GRIP1: variants seen among roughly 807,000 people sequenced by gnomAD.
GRIP1 encodes glutamate receptor-interacting protein 1.
In GRIP1, 45 loss-of-function variants were observed where a neutral mutation model predicts 129.9. That is an observed-to-expected ratio of 0.35 (90% CI 0.27 to 0.44). The LOEUF (loss-of-function observed/expected upper bound fraction) is 0.44. GRIP1 is among the 20% of genes least tolerant of loss of function. The pLI is 1.00. For synonymous variants in GRIP1, 530 were observed against 520.8 expected (o/e 1.02, Z -0.24); for missense variants, 1,196 against 1,396.8 (o/e 0.86, Z 2.29).
intron 1 of GRIP1, among the ~76,000 whole-genome samples, chr12:66,873,417 T>C (rs1321024958): frequency 6.6e-6 from 1 of 152,078 alleles, no homozygotes; most frequent in East Asian, 1.9e-4. Context: ...AGAATTCAAA[T>C]GTTCATCCTA....
At chr12:66,825,458 T>A (rs2039393839) in intron 1 of GRIP1, among the ~76,000 whole-genome samples, 1 of 152,088 alleles carries the variant, frequency 6.6e-6, no homozygotes, top group African/African-American at 2.4e-5. Context: ...TATGCCTTCA[T>A]CTTATCCTTA....
intron 1 of GRIP1, among the ~76,000 whole-genome samples, chr12:66,600,098 A>G (rs746181097): frequency 7.2e-5 from 11 of 152,218 alleles, no homozygotes; most frequent in Non-Finnish European, 1.5e-4. Context: ...TCGTGTGTAT[A>G]TAAATCCCAT....
chr12:66,538,388 G>T (rs1481400571), intron 4 of GRIP1, among the ~76,000 whole-genome samples: 3 of 150,656 alleles, frequency 2.0e-5, no homozygotes, highest in South Asian at 4.2e-4. Context: ...TAGAAACATG[G>T]TCTCATTTTG....
chr12:66,747,565 C>T (rs1000347230), intron 1 of GRIP1, among the ~76,000 whole-genome samples: 8 of 151,946 alleles, frequency 5.3e-5, no homozygotes, highest in Non-Finnish European at 7.4e-5. Context: ...TTATTTCAGG[C>T]CAACAGGGAA....
chr12:66,682,791 C>T (rs900451512), upstream of GRIP1, among the ~76,000 whole-genome samples: 1 of 152,092 alleles, frequency 6.6e-6, no homozygotes, highest in Admixed American at 6.6e-5. Context: ...TGAGGTTAAT[C>T]CCACAAATAC....
At chr12:67,028,307 C>A (rs2042969135) in intron 1 of GRIP1, among the ~76,000 whole-genome samples, 1 of 152,176 alleles carries the variant, frequency 6.6e-6, no homozygotes, top group African/African-American at 2.4e-5. Context: ...AACTACCAAA[C>A]CCAGAGGTTT....
At chr12:66,926,671 T>C (rs2041300888) in intron 1 of GRIP1, among the ~76,000 whole-genome samples, 1 of 152,232 alleles carries the variant, frequency 6.6e-6, no homozygotes. Context: ...GGCCTTCAAG[T>C]TATTTTCCTT....
intron 1 of GRIP1, among the ~76,000 whole-genome samples, chr12:66,677,805 G>T (rs2034407528): frequency 6.6e-6 from 1 of 152,116 alleles, no homozygotes; most frequent in Non-Finnish European, 1.5e-5. Flanking sequence ...ATTTTTAGCT[G>T]CACTGCTGGT....
intron 1 of GRIP1, among the ~76,000 whole-genome samples, chr12:66,759,551 T>C (rs1173319582): frequency 6.6e-6 from 1 of 152,244 alleles, no homozygotes; most frequent in African/African-American, 2.4e-5. Context: ...TTGTCTTTTC[T>C]ACTGCATCAT....
chr12:66,349,933 G>A (rs904649110), intron 24 of GRIP1, among the ~76,000 whole-genome samples: 26 of 151,810 alleles, frequency 1.7e-4, no homozygotes, highest in Admixed American at 1.2e-3. Context: ...CCCACATGCC[G>A]GTTCTACTCC....
intron 1 of GRIP1, among the ~76,000 whole-genome samples, chr12:66,967,844 T>C (rs1421228745): frequency 1.3e-5 from 2 of 152,222 alleles, no homozygotes; most frequent in Admixed American, 1.3e-4. Flanking sequence ...TGTTAAGGTA[T>C]GTTTTATGGC....
chr12:66,880,817 C>G (rs1241233413), intron 1 of GRIP1, among the ~76,000 whole-genome samples: 2 of 152,094 alleles, frequency 1.3e-5, no homozygotes, highest in African/African-American at 4.8e-5. Context: ...TAGGCAGACC[C>G]TTAAAAATCA....
intron 7 of GRIP1, among the ~76,000 whole-genome samples, chr12:66,486,606 C>T (rs1490431952): frequency 6.6e-6 from 1 of 152,110 alleles, no homozygotes; most frequent in East Asian, 1.9e-4. Flanking sequence ...TTGCCTGTTG[C>T]CATCCACTTA....
chr12:66,553,275 T>C, intron 2 of GRIP1, among the ~76,000 whole-genome samples: 1 of 152,160 alleles, frequency 6.6e-6, no homozygotes. Context: ...ATAACTATCT[T>C]CTAGCCTCAC....
intron 1 of GRIP1, among the ~76,000 whole-genome samples, chr12:66,599,213 A>G (rs1008159402): frequency 2.0e-5 from 3 of 152,188 alleles, no homozygotes; most frequent in Non-Finnish European, 4.4e-5. Flanking sequence ...GTAAATAATT[A>G]TCTAGAAGCC....
chr12:66,476,885 A>G (rs4913503), intron 7 of GRIP1, among the ~76,000 whole-genome samples: 1 of 152,074 alleles, frequency 6.6e-6, no homozygotes, highest in African/African-American at 2.4e-5. Context: ...TCTAAAAATA[A>G]TAAGAACTAT....
intron 1 of GRIP1, among the ~76,000 whole-genome samples, chr12:66,867,267 A>C (rs1252266): frequency 6.6e-6 from 1 of 151,930 alleles, no homozygotes; most frequent in Non-Finnish European, 1.5e-5. Flanking sequence ...GGGATTACAC[A>C]TGTGAGCCAT....
chr12:66,665,464 C>T (rs537050473), intron 1 of GRIP1, among the ~76,000 whole-genome samples: 20 of 152,182 alleles, frequency 1.3e-4, no homozygotes, highest in African/African-American at 3.9e-4. Context: ...GTGTGTGTGT[C>T]CTCCCTGAAG....
chr12:66,454,925 T>C (rs2058912345), intron 11 of GRIP1, among the ~76,000 whole-genome samples: 2 of 152,106 alleles, frequency 1.3e-5, no homozygotes, highest in Admixed American at 1.3e-4. Context: ...GGGAGGAGGG[T>C]AACAAAATAT....
Sources: gnomAD v4.1 joint callset for allele counts (sites outside exome capture counted in the v4.1 genomes callset) on GRCh38, gnomAD v4.1.1 for gene constraint, MANE v1.5 for transcripts, NCBI Gene and HGNC (gene_info 2026-07-23, HGNC 2026-07-21) for gene names.